Variants in ZFHX3 observed in about 807,000 individuals in gnomAD.
ZFHX3 encodes the protein zinc finger homeobox 3, also known as zinc finger homeobox protein 3.
ZFHX3 carries 42 observed loss-of-function variants against 279.1 expected under a neutral mutation model. That is an observed-to-expected ratio of 0.15 (90% CI 0.12 to 0.19). ZFHX3 has a LOEUF of 0.19. Ranked by LOEUF, ZFHX3 falls within the 10% of genes least tolerant of loss-of-function variation. The pLI, the probability that ZFHX3 is intolerant of heterozygous loss-of-function variation, is 1.00. For synonymous variants in ZFHX3, 2,293 were observed against 1,957.8 expected (o/e 1.17, Z -4.52); for missense variants, 4,981 against 4,754.0 (o/e 1.05, Z -1.40).
chr16:73,243,182 G>T (rs2013177444), intron 5 of ZFHX3, among the ~76,000 whole-genome samples: 1 of 152,198 alleles, frequency 6.6e-6, no homozygotes, highest in African/African-American at 2.4e-5. Context: ...ATATAAGCAG[G>T]TATCAACATT....
chr16:73,001,019 C>T (rs1484549806), intron 1 of ZFHX3, among the ~76,000 whole-genome samples: 7 of 152,212 alleles, frequency 4.6e-5, no homozygotes, highest in African/African-American at 1.7e-4. Context: ...CTTGTGTAGT[C>T]CCCTCCCCTT....
chr16:73,032,030 TAAG>T (rs983390086), intron 1 of ZFHX3, among the ~76,000 whole-genome samples: 9 of 151,424 alleles, frequency 5.9e-5, no homozygotes, highest in African/African-American at 1.9e-4. Flanking sequence ...AGGGAGAAAA[TAAG>T]AAGATGTGTT....
chr16:73,611,223 T>C, intron 2 of ZFHX3, among the ~76,000 whole-genome samples: 1 of 152,120 alleles, frequency 6.6e-6, no homozygotes, highest in East Asian at 1.9e-4. Flanking sequence ...GGACAATCAT[T>C]TATTCATTCA....
intron 7 of ZFHX3, among the ~76,000 whole-genome samples, chr16:73,096,933 C>T (rs537372286): frequency 7.9e-5 from 12 of 152,120 alleles, no homozygotes; most frequent in Non-Finnish European, 1.0e-4. Context: ...TAAAACACAG[C>T]CATAAGTATG....
At chr16:73,752,321 G>C (rs904128825) in intron 1 of ZFHX3, among the ~76,000 whole-genome samples, 2 of 152,078 alleles carry the variant, frequency 1.3e-5, no homozygotes, top group East Asian at 3.9e-4. Context: ...TCTATTTACT[G>C]TCCCAGTCTT....
At chr16:73,886,321 C>T (rs1278149425) in intron 1 of ZFHX3, among the ~76,000 whole-genome samples, 2 of 151,956 alleles carry the variant, frequency 1.3e-5, no homozygotes, top group East Asian at 1.9e-4. Flanking sequence ...AAACACCATT[C>T]CCATTATTTG....
intron 1 of ZFHX3, among the ~76,000 whole-genome samples, chr16:72,961,435 G>T (rs1196544018): frequency 6.6e-6 from 1 of 152,168 alleles, no homozygotes; most frequent in African/African-American, 2.4e-5. Context: ...GTCTGGCCCT[G>T]CTCCTACAGG....
At chr16:73,649,919 G>A (rs936968272) in intron 2 of ZFHX3, among the ~76,000 whole-genome samples, 1 of 152,312 alleles carries the variant, frequency 6.6e-6, no homozygotes. Flanking sequence ...AAGCACTGGT[G>A]TGGTTCAGAT....
chr16:73,316,598 A>C (rs1485688813), intron 4 of ZFHX3, among the ~76,000 whole-genome samples: 2 of 152,090 alleles, frequency 1.3e-5, no homozygotes, highest in Non-Finnish European at 2.9e-5. Flanking sequence ...ATAATATTCC[A>C]TGTGCCTTGA....
Position 72,803,162 on chromosome 16 carries a change from T to G in ZFHX3, c.3865-3033A>C, listed in dbSNP as rs970531212. ...GCCTGGCCAACATGGTGAAACCCCA[T>G]CTCTACTATAAATACAAAAATTAGC... is the stretch of plus-strand genomic sequence containing the variant. On this transcript the variant is annotated intron_variant, in intron 7 of 9. Transcript: ENST00000268489. Among the ~76,000 whole-genome samples, 4 of 152,066 alleles carry G rather than the reference T, an allele frequency of 2.6e-5. No individual in the cohort carries two copies. The South Asian group carries it at 8.3e-4, about 32-fold the overall frequency.
Position 72,897,425 on chromosome 16 carries a change from C to T in ZFHX3, c.3217-7463G>A, listed in dbSNP as rs528660019. Among the ~76,000 whole-genome samples the T allele has an allele frequency of 2.0e-5, 3 of 148,078 alleles. No individual in the cohort carries two copies. In the East Asian group the frequency reaches 6.1e-4, roughly 30 times the overall value. ...TGCAGAGCATTTACTGTGGGTGCGG[C>T]ATCTACACACATACTTTTTTTCTTT... On this transcript the variant is annotated intron_variant, in intron 3 of 9. Transcript: ENST00000268489.
At chr16:73,262,830 A>G (rs1567433804) in intron 4 of ZFHX3, among the ~76,000 whole-genome samples, 1 of 152,074 alleles carries the variant, frequency 6.6e-6, no homozygotes, top group African/African-American at 2.4e-5. Flanking sequence ...CATGTGAAAA[A>G]AACCGGGGTT....
intron 2 of ZFHX3, among the ~76,000 whole-genome samples, chr16:73,627,321 T>C (rs2052426712): frequency 6.6e-6 from 1 of 152,144 alleles, no homozygotes; most frequent in Admixed American, 6.5e-5. Context: ...AGAGTCTCAT[T>C]TGCTAAGCTC....
At chr16:73,181,073 T>G (rs66579733) in intron 5 of ZFHX3, among the ~76,000 whole-genome samples, 25,594 of 149,052 alleles carry the variant, frequency 0.17, 2,337 homozygotes, top group African/African-American at 0.21. Context: ...CAGCTAGTTT[T>G]TTTGTTTGTT....
At chr16:73,351,175 G>T (rs2016234351) in intron 3 of ZFHX3, among the ~76,000 whole-genome samples, 1 of 152,156 alleles carries the variant, frequency 6.6e-6, no homozygotes, top group South Asian at 2.1e-4. Context: ...AAGAGAACAA[G>T]CAGATCTGAG....
intron 1 of ZFHX3, among the ~76,000 whole-genome samples, chr16:73,833,912 A>G (rs1186825799): frequency 6.6e-6 from 1 of 151,564 alleles, no homozygotes; most frequent in Non-Finnish European, 1.5e-5. Context: ...ATGTGTGTAT[A>G]TGTAATCTCA....
chr16:72,848,046 C>A (rs1483650846), intron 4 of ZFHX3, among the ~76,000 whole-genome samples: 2 of 152,282 alleles, frequency 1.3e-5, no homozygotes, highest in Middle Eastern at 6.8e-3. Context: ...TAAACTGCCC[C>A]AAGACTTCAT....
chr16:73,058,868 AGCG>A (rs934867928), exon 1 of ZFHX3: 35 of 128,920 alleles, frequency 2.7e-4, no homozygotes, highest in South Asian at 6.7e-4. Flanking sequence ...ACGGAAGAGA[AGCG>A]GCGGCGGCGG....
At chr16:72,943,353 G>T (rs1960503105) in intron 3 of ZFHX3, among the ~76,000 whole-genome samples, 1 of 152,106 alleles carries the variant, frequency 6.6e-6, no homozygotes, top group South Asian at 2.1e-4. Context: ...GGCCACCATG[G>T]CAAAACCCCA....
Sources: gnomAD v4.1 joint callset for allele counts (sites outside exome capture counted in the v4.1 genomes callset) on GRCh38, gnomAD v4.1.1 for gene constraint, MANE v1.5 for transcripts, NCBI Gene and HGNC (gene_info 2026-07-23, HGNC 2026-07-21) for gene names.